The following COL5A1 variants were observed in gnomAD, a reference collection of about 807,000 sequenced individuals.
COL5A1 encodes collagen type V alpha 1 chain.
Under a neutral mutation model 263.7 loss-of-function variants are expected in COL5A1, and 16 were observed. The ratio of observed to expected loss-of-function variants is 0.06; its 90% CI spans 0.04 to 0.09. The LOEUF (loss-of-function observed/expected upper bound fraction) is 0.09. Ranked by LOEUF, COL5A1 falls within the 10% of genes least tolerant of loss-of-function variation. The pLI, the probability that COL5A1 is intolerant of heterozygous loss-of-function variation, is 1.00. For missense variants in COL5A1, 2,036 were observed against 2,540.5 expected (o/e 0.80, Z 4.27); for synonymous variants, 1,012 against 1,004.5 (o/e 1.01, Z -0.14).
chr9:134,742,859 G>A lies in COL5A1; in HGVS notation c.1494+4051G>A, dbSNP rs1420318441. 1.3e-5 allele frequency among the ~76,000 whole-genome samples: 2 copies of A among 152,202 alleles called. No individual in the cohort carries two copies. Among genetic ancestry groups the A allele is most frequent in the Non-Finnish European group, 2.9e-5 (2 of 68,024 alleles). ...GGTCGCTGAGCAGTGTTTGCCCAGC[G>A]AAGCCCTTCCCTGGGCTCCTCGGGC... is the stretch of plus-strand genomic sequence containing the variant. On this transcript the variant is annotated intron_variant, in intron 11 of 65. Transcript: ENST00000371817. This position sits in a 1 kb window ranked among gnomAD's most constrained non-coding sequence, Gnocchi z 4.6.
intron 4 of COL5A1, among the ~76,000 whole-genome samples, chr9:134,710,562 G>GA (rs1257081963): frequency 3.7e-5 from 5 of 136,754 alleles, no homozygotes; most frequent in Admixed American, 7.2e-5. Context: ...AGTGGTGGGG[G>GA]GGCCCCATTT....
intron 1 of COL5A1, among the ~76,000 whole-genome samples, chr9:134,690,211 A>G (rs937060232): frequency 1.3e-5 from 2 of 152,062 alleles, no homozygotes; most frequent in Non-Finnish European, 2.9e-5. Context: ...TTGGCTCTGC[A>G]TGGTCTGGCG....
At chr9:134,820,435 G>T (rs1344264468) in intron 58 of COL5A1, among the ~76,000 whole-genome samples, 1 of 152,176 alleles carries the variant, frequency 6.6e-6, no homozygotes, top group Non-Finnish European at 1.5e-5. Flanking sequence ...CCAGCTCCAT[G>T]CCCTGACTGG....
intron 4 of COL5A1, among the ~76,000 whole-genome samples, chr9:134,719,267 C>T (rs1834370185): frequency 6.6e-6 from 1 of 152,226 alleles, no homozygotes; most frequent in Non-Finnish European, 1.5e-5. Flanking sequence ...ACCCATGTCA[C>T]ACATACACAT....
chr9:134,702,247 C>T (rs576350966), intron 4 of COL5A1, among the ~76,000 whole-genome samples: 185 of 152,290 alleles, frequency 1.2e-3, no homozygotes, highest in South Asian at 3.5e-3. Flanking sequence ...GGTTTTGCAC[C>T]CGGGTCTCTG....
chr9:134,712,860 CT>C (rs1834115052), intron 4 of COL5A1, among the ~76,000 whole-genome samples: 1 of 151,994 alleles, frequency 6.6e-6, no homozygotes, highest in Non-Finnish European at 1.5e-5. Context: ...CAGGTCTCCC[CT>C]GGACGCCTTT....
intron 1 of COL5A1, among the ~76,000 whole-genome samples, chr9:134,650,192 A>T (rs28451948): frequency 0.29 from 44,019 of 152,058 alleles, 7,429 homozygotes; most frequent in African/African-American, 0.46. Context: ...AATAAAAAAA[A>T]TTTTTTTAAA....
At chr9:134,644,878 G>A (rs892720075) in intron 1 of COL5A1, among the ~76,000 whole-genome samples, 2 of 152,106 alleles carry the variant, frequency 1.3e-5, no homozygotes, top group Non-Finnish European at 1.5e-5. Context: ...GGGGAGAGTC[G>A]GCCAAGTTTT....
rs1335055210 is a variant in COL5A1, at chr9:134,647,281, G to T, written c.109+4985G>T. ...TCCCACGGAACCTCATGGGGTCATTGTCCAGGCCGTGGGGTGTGATGCATG... is the reference window on the plus strand; with the variant it reads ...TCCCACGGAACCTCATGGGGTCATTTTCCAGGCCGTGGGGTGTGATGCATG... On this transcript the variant is annotated intron_variant, in intron 1 of 65. Transcript: ENST00000371817. The surrounding 1 kb of genome is among the most constrained non-coding windows in gnomAD (Gnocchi z 5.0). Among the ~76,000 whole-genome samples the T allele has an allele frequency of 1.3e-5, 2 of 152,138 alleles. No homozygotes were observed. The highest frequency in any genetic ancestry group is 1.3e-4 in the Admixed American group (2 of 15,278).
intron 1 of COL5A1, among the ~76,000 whole-genome samples, chr9:134,673,244 A>G (rs1832592335): frequency 6.6e-6 from 1 of 152,218 alleles, no homozygotes; most frequent in African/African-American, 2.4e-5. Flanking sequence ...CGGAGGGCTT[A>G]TGCTTTGTGA....
At chr9:134,779,369 G>A (rs116210703) in intron 27 of COL5A1, among the ~76,000 whole-genome samples, 94 of 152,312 alleles carry the variant, frequency 6.2e-4, no homozygotes, top group African/African-American at 2.3e-3. Context: ...CCTGGGCCCC[G>A]TCCCAGAAAC....
chr9:134,705,256 A>G (rs1010746808), intron 4 of COL5A1, among the ~76,000 whole-genome samples: 3 of 149,628 alleles, frequency 2.0e-5, no homozygotes, highest in Non-Finnish European at 3.0e-5. Flanking sequence ...GCCAAGACAC[A>G]TGTGTCTCCT....
chr9:134,731,973 C>T (rs1834899362), intron 8 of COL5A1, 98 bp from the exon 9 acceptor site: 1 of 1,386,084 alleles, frequency 7.2e-7, no homozygotes, highest in Non-Finnish European at 1.0e-6. Flanking sequence ...ACGATAGTGC[C>T]CTCGGCCTTG....
At chr9:134,773,792 C>G (rs920119762) in intron 26 of COL5A1, among the ~76,000 whole-genome samples, 1 of 152,230 alleles carries the variant, frequency 6.6e-6, no homozygotes, top group African/African-American at 2.4e-5. Flanking sequence ...GGCACTTCTC[C>G]AACGTGCTGC....
chr9:134,661,155 G>A (rs1290686917), intron 1 of COL5A1, among the ~76,000 whole-genome samples: 1 of 151,514 alleles, frequency 6.6e-6, no homozygotes. Context: ...AGTTGCCTAG[G>A]GTGGCCTGGG....
intron 46 of COL5A1, 128 bp from the exon 47 acceptor site, chr9:134,812,321 C>T (rs953954164): frequency 1.4e-5 from 13 of 932,796 alleles, no homozygotes; most frequent in Non-Finnish European, 1.7e-5. Context: ...TAGCTATGCA[C>T]AGAGAAGCAC....
In COL5A1 at chr9:134,646,230, A is replaced by G. The variant is rs550308137; in HGVS notation, c.109+3934A>G. ...TCCTTCCAGGAGCTCACAGTCTGAC[A>G]GGCAGACCATTGTGAATTTTACTCA... On this transcript the variant is annotated intron_variant, in intron 1 of 65. Coordinates refer to ENST00000371817, the MANE Select transcript of COL5A1 (RefSeq NM_000093.5). Among the ~76,000 whole-genome samples, 124 of 152,290 alleles carry G rather than the reference A, an allele frequency of 8.1e-4. 1 individual carries two copies. The South Asian group carries it at 9.7e-3, about 12-fold the overall frequency.
At chr9:134,822,610 C>T (rs1490722038) in intron 59 of COL5A1, among the ~76,000 whole-genome samples, 4 of 152,142 alleles carry the variant, frequency 2.6e-5, no homozygotes, top group East Asian at 1.9e-4. Flanking sequence ...GTACACATGG[C>T]CCCCGGGGGC....
chr9:134,830,295 C>T (rs1839553941), intron 64 of COL5A1: 3 of 1,014,780 alleles, frequency 3.0e-6, no homozygotes, highest in South Asian at 2.9e-5. Flanking sequence ...CCAAACCGCT[C>T]CACATCACGT....
Sources: allele counts gnomAD v4.1 joint callset (sites outside exome capture counted in the v4.1 genomes callset), GRCh38; gene constraint gnomAD v4.1.1; non-coding constraint Gnocchi (gnomAD v3.1); transcripts MANE v1.5; gene names NCBI Gene and HGNC (gene_info 2026-07-23, HGNC 2026-07-21).